Variants in FHIT observed in about 807,000 individuals in gnomAD.
FHIT encodes fragile histidine triad diadenosine triphosphatase.
Under a neutral mutation model 17.9 loss-of-function variants are expected in FHIT, and 19 were observed. The observed-to-expected ratio is 1.06, with a 90% CI of 0.74 to 1.56. FHIT has a LOEUF of 1.56. Ranked by LOEUF, FHIT falls within the 40% of genes most tolerant of loss-of-function variation. FHIT has a pLI of 0.00. For synonymous variants in FHIT, 81 were observed against 69.7 expected, an observed-to-expected ratio of 1.16 and a Z score of -0.81; for missense variants, 248 against 189.2, an observed-to-expected ratio of 1.31 and a Z score of -1.82.
rs141916153 is a variant in FHIT, at chr3:60,933,655, T to C, written c.-111+108392A>G. Among the ~76,000 whole-genome samples the C allele has an allele frequency of 1.7e-3, 259 of 152,322 alleles. 1 individual carries two copies. Among genetic ancestry groups the C allele is most frequent in the African/African-American group, 5.9e-3 (247 of 41,570 alleles). The stretch of plus-strand genomic sequence containing the variant: ...CATTACCATTTACTACTGATGCATG[T>C]CACCTCTGCAATTAGAAAAACAAAT... On this transcript the variant is annotated intron_variant, in intron 3 of 9. Coordinates refer to ENST00000492590, the MANE Select transcript of FHIT (RefSeq NM_002012.4).
intron 7 of FHIT, among the ~76,000 whole-genome samples, chr3:59,959,565 C>T (rs1296710694): frequency 2.0e-5 from 3 of 152,184 alleles, no homozygotes; most frequent in Non-Finnish European, 2.9e-5. Flanking sequence ...TTCATTCATT[C>T]ATCCATCTAG....
chr3:60,804,592 A>G (rs782425308), intron 4 of FHIT, among the ~76,000 whole-genome samples: 1 of 152,242 alleles, frequency 6.6e-6, no homozygotes, highest in Non-Finnish European at 1.5e-5. Context: ...ACATAGGACA[A>G]TGCCTGACAT....
At chr3:60,028,111 C>T (rs1292277755) in intron 5 of FHIT, among the ~76,000 whole-genome samples, 2 of 152,116 alleles carry the variant, frequency 1.3e-5, no homozygotes, top group African/African-American at 4.8e-5. Context: ...GTGGAACTGG[C>T]ACAACTGGAA....
chr3:60,442,465 G>A (rs924270547), intron 5 of FHIT, among the ~76,000 whole-genome samples: 1 of 152,060 alleles, frequency 6.6e-6, no homozygotes, highest in Non-Finnish European at 1.5e-5. Context: ...TGTAAGGAAG[G>A]GATCCAGTTT....
chr3:59,909,470 T>G (rs994425325), intron 8 of FHIT, among the ~76,000 whole-genome samples: 3 of 152,126 alleles, frequency 2.0e-5, no homozygotes, highest in Non-Finnish European at 4.4e-5. Flanking sequence ...CATGCGATTA[T>G]GGGCACGCAC....
At chr3:60,308,761 T>G (rs986611066) in intron 5 of FHIT, among the ~76,000 whole-genome samples, 16 of 152,134 alleles carry the variant, frequency 1.1e-4, no homozygotes, top group Non-Finnish European at 1.5e-4. Flanking sequence ...ATCTATCACA[T>G]CACTCCTATA....
chr3:60,949,313 C>G (rs898923730), intron 3 of FHIT, among the ~76,000 whole-genome samples: 12 of 152,164 alleles, frequency 7.9e-5, no homozygotes. Context: ...TTTTAGCTAG[C>G]GTGGATGCCA....
chr3:59,762,935 T>C (rs72886605), intron 8 of FHIT, among the ~76,000 whole-genome samples: 4,063 of 152,242 alleles, frequency 0.027, 202 homozygotes, highest in African/African-American at 0.092. Flanking sequence ...AGAAATGAAA[T>C]GAAACTCCTT....
At chr3:60,936,854 A>G (rs1337549455) in intron 3 of FHIT, among the ~76,000 whole-genome samples, 1 of 152,210 alleles carries the variant, frequency 6.6e-6, no homozygotes, top group African/African-American at 2.4e-5. Flanking sequence ...AAAGCAAAGA[A>G]AAAAAGGAAA....
intron 3 of FHIT, among the ~76,000 whole-genome samples, chr3:61,004,564 A>G (rs1005703930): frequency 4.0e-4 from 61 of 152,226 alleles, no homozygotes; most frequent in African/African-American, 1.5e-3. Context: ...TGGAAAGAGA[A>G]AGTCTGGTGG....
chr3:61,184,452 G>T (rs2038442923), intron 2 of FHIT, among the ~76,000 whole-genome samples: 1 of 152,122 alleles, frequency 6.6e-6, no homozygotes, highest in South Asian at 2.1e-4. Context: ...TCCAGTGTGG[G>T]ATGACTCACA....
At chr3:60,031,524 A>T (rs1000234231) in intron 5 of FHIT, among the ~76,000 whole-genome samples, 3 of 152,116 alleles carry the variant, frequency 2.0e-5, no homozygotes, top group African/African-American at 7.2e-5. Flanking sequence ...TAGCCATTTG[A>T]CTCTGGGCAA....
At chr3:60,546,876 T>A (rs2036384646) in intron 4 of FHIT, among the ~76,000 whole-genome samples, 1 of 152,206 alleles carries the variant, frequency 6.6e-6, no homozygotes, top group Non-Finnish European at 1.5e-5. Context: ...TAGTTTTCTC[T>A]CTTTCCCTAC....
chr3:60,795,760 C>T (rs764408634), intron 4 of FHIT, among the ~76,000 whole-genome samples: 5 of 152,180 alleles, frequency 3.3e-5, no homozygotes, highest in Non-Finnish European at 7.3e-5. Flanking sequence ...AGCCATCCAG[C>T]TGCCTCGGCC....
rs761825389 is a variant in FHIT at position 59,940,808 on chromosome 3, C to A, written c.280-18394G>T. 8.7e-4 allele frequency among the ~76,000 whole-genome samples: 133 copies of A among 152,170 alleles called. 2 individuals are homozygous for A. The highest frequency in any genetic ancestry group is 1.8e-4 in the Non-Finnish European group (12 of 68,016). ...ATACATGAAAACCTCTTAGCACCGC[C>A]CCTGGCACCATTAGAAAATGCCTTA... On this transcript the variant is annotated intron_variant, in intron 7 of 9. Transcript: ENST00000492590.
intron 8 of FHIT, among the ~76,000 whole-genome samples, chr3:59,783,866 G>A (rs574867365): frequency 6.6e-6 from 1 of 152,258 alleles, no homozygotes; most frequent in Admixed American, 6.5e-5. Context: ...CTGACGCTTT[G>A]GTTCCTGTAA....
intron 5 of FHIT, among the ~76,000 whole-genome samples, chr3:60,462,622 C>A (rs1442877110): frequency 6.6e-6 from 1 of 152,122 alleles, no homozygotes; most frequent in Non-Finnish European, 1.5e-5. Flanking sequence ...AGCAAGAGAT[C>A]CGCCAGGATA....
intron 5 of FHIT, among the ~76,000 whole-genome samples, chr3:60,034,337 T>C (rs1464406852): frequency 1.3e-5 from 2 of 152,240 alleles, no homozygotes; most frequent in Non-Finnish European, 2.9e-5. Context: ...TTCTTGCTTT[T>C]ACTTACTGAA....
At chr3:59,749,665 AGCATCTGGTGCTCT>A in intron 9 of FHIT, 86 bp from the exon 10 acceptor site, 1 of 230,596 alleles carries the variant, frequency 4.3e-6, no homozygotes, top group Non-Finnish European at 8.6e-6. Flanking sequence ...GCAAATGGTT[AGCATCTGGTGCTCT>A]GGGACTTTTG....
Sources: gnomAD v4.1 joint callset for allele counts (sites outside exome capture counted in the v4.1 genomes callset) on GRCh38, gnomAD v4.1.1 for gene constraint, MANE v1.5 for transcripts, NCBI Gene and HGNC (gene_info 2026-07-23, HGNC 2026-07-21) for gene names.